SLC24A2: variants seen among roughly 807,000 people sequenced by gnomAD.
SLC24A2 encodes the protein sodium/potassium/calcium exchanger 2.
In SLC24A2, 36 loss-of-function variants were observed where a neutral mutation model predicts 62.0. The observed-to-expected ratio is 0.58, with a 90% CI of 0.44 to 0.77. The LOEUF (loss-of-function observed/expected upper bound fraction) is 0.77. Among genes scored for constraint, SLC24A2 ranks in the 30% least tolerant of loss-of-function variants. The pLI, the probability that SLC24A2 is intolerant of heterozygous loss-of-function variation, is 0.00. For synonymous variants in SLC24A2, 358 were observed against 294.0 expected (o/e 1.22, Z -2.23); for missense variants, 846 against 817.9 (o/e 1.03, Z -0.42).
At chr9:19,992,552 G>T in the SLC24A2 span, among the ~76,000 whole-genome samples, 3 of 152,208 alleles carry the variant, frequency 2.0e-5, no homozygotes, top group Admixed American at 6.5e-5. Context: ...TTCATTAACT[G>T]ATTAAAAACA....
At chr9:20,019,587 T>C in the SLC24A2 span, among the ~76,000 whole-genome samples, 2,552 of 152,204 alleles carry the variant, frequency 0.017, 61 homozygotes, top group African/African-American at 0.058. Context: ...GGATAAAAGA[T>C]TTAAATGTAA....
chr9:19,769,771 T>C (rs923133495), intron 2 of SLC24A2, among the ~76,000 whole-genome samples: 2 of 152,126 alleles, frequency 1.3e-5, no homozygotes, highest in Admixed American at 1.3e-4. Context: ...GGACACTGCA[T>C]CTGTCCACCC....
the SLC24A2 span, among the ~76,000 whole-genome samples, chr9:19,985,096 T>G: frequency 6.6e-6 from 1 of 152,082 alleles, no homozygotes; most frequent in African/African-American, 2.4e-5. Context: ...TATTGAGGAT[T>G]TAGAGCATCT....
At chr9:19,580,693 G>A (rs1214273704) in intron 5 of SLC24A2, among the ~76,000 whole-genome samples, 1 of 152,238 alleles carries the variant, frequency 6.6e-6, no homozygotes, top group East Asian at 1.9e-4. Flanking sequence ...GGATGTGATT[G>A]AGAGGTAGGT....
the SLC24A2 span, among the ~76,000 whole-genome samples, chr9:20,060,431 A>G: frequency 6.6e-6 from 1 of 152,152 alleles, no homozygotes; most frequent in Non-Finnish European, 1.5e-5. Flanking sequence ...TCAGAAACAT[A>G]TAAAAAGGAT....
chr9:19,593,289 G>A (rs1195763900), intron 5 of SLC24A2, among the ~76,000 whole-genome samples: 1 of 152,160 alleles, frequency 6.6e-6, no homozygotes, highest in Non-Finnish European at 1.5e-5. Flanking sequence ...CCTCCGCTCT[G>A]CCCCCAATCC....
At chr9:19,661,314 A>T (rs1413232623) in intron 2 of SLC24A2, among the ~76,000 whole-genome samples, 7 of 152,114 alleles carry the variant, frequency 4.6e-5, no homozygotes, top group Non-Finnish European at 1.0e-4. Flanking sequence ...TCTAATGACC[A>T]GTCCTTAACC....
At chr9:19,571,996 G>A (rs1240179350) in intron 7 of SLC24A2, among the ~76,000 whole-genome samples, 35 of 152,016 alleles carry the variant, frequency 2.3e-4, no homozygotes, top group African/African-American at 1.9e-4. Context: ...CTATCCGGGC[G>A]CAGTGGCTCA....
the SLC24A2 span, among the ~76,000 whole-genome samples, chr9:19,803,166 C>T: frequency 6.6e-6 from 1 of 152,182 alleles, no homozygotes; most frequent in Non-Finnish European, 1.5e-5. Context: ...AGACAGGACA[C>T]ATTGTGATAT....
At chr9:20,040,891 G>A in the SLC24A2 span, among the ~76,000 whole-genome samples, 98 of 152,360 alleles carry the variant, frequency 6.4e-4, 1 homozygote, top group East Asian at 0.017. Flanking sequence ...TGGCAGACAA[G>A]GGTTAGAAGC....
At chr9:19,681,364 C>T (rs181702666) in intron 2 of SLC24A2, among the ~76,000 whole-genome samples, 54 of 152,224 alleles carry the variant, frequency 3.5e-4, no homozygotes, top group African/African-American at 6.5e-4. Flanking sequence ...CTCTCTGCAC[C>T]GCAGAACTCC....
the SLC24A2 span, among the ~76,000 whole-genome samples, chr9:19,812,767 C>T: frequency 4.8e-5 from 5 of 103,256 alleles, no homozygotes; most frequent in East Asian, 1.5e-3. Flanking sequence ...TTATCTCCTT[C>T]CAGAAAGTAT....
At chr9:19,839,669 A>G in the SLC24A2 span, among the ~76,000 whole-genome samples, 1 of 152,226 alleles carries the variant, frequency 6.6e-6, no homozygotes, top group African/African-American at 2.4e-5. Context: ...GACTTTTTAC[A>G]GTTAATGAAA....
chr9:19,975,550 G>T, the SLC24A2 span, among the ~76,000 whole-genome samples: 2 of 152,140 alleles, frequency 1.3e-5, no homozygotes, highest in Admixed American at 1.3e-4. Context: ...TCTGCAAAAG[G>T]AAGACAAAAA....
chr9:20,107,376 C>T, the SLC24A2 span, among the ~76,000 whole-genome samples: 2 of 151,278 alleles, frequency 1.3e-5, no homozygotes, highest in Non-Finnish European at 2.9e-5. Context: ...AAAAAGAGCC[C>T]ACATTGCCAA....
At chr9:19,927,368 TC>T in the SLC24A2 span, 1 of 152,152 alleles carries the variant, frequency 6.6e-6, no homozygotes, top group Non-Finnish European at 1.5e-5. Flanking sequence ...CCTAGTTTCC[TC>T]CTCCAAAAAA....
intron 4 of SLC24A2, among the ~76,000 whole-genome samples, chr9:19,614,954 T>C (rs2208552): frequency 0.74 from 112,892 of 151,942 alleles, 42,031 homozygotes; most frequent in East Asian, 0.88. Context: ...TGCTCAAATT[T>C]CGAATCCACA....
At chr9:20,112,523 A>C in the SLC24A2 span, among the ~76,000 whole-genome samples, 2 of 152,108 alleles carry the variant, frequency 1.3e-5, no homozygotes, top group Non-Finnish European at 2.9e-5. Context: ...ATAATCTGAA[A>C]CTTCCCCATA....
At chr9:19,615,754 TAC>T (rs1767386743) in intron 4 of SLC24A2, among the ~76,000 whole-genome samples, 1 of 152,262 alleles carries the variant, frequency 6.6e-6, no homozygotes, top group Admixed American at 6.5e-5. Context: ...ACAGCAGGAA[TAC>T]AGTTTAATTG....
Sources: allele counts gnomAD v4.1 joint callset (sites outside exome capture counted in the v4.1 genomes callset), GRCh38; gene constraint gnomAD v4.1.1; transcripts MANE v1.5; gene names NCBI Gene and HGNC (gene_info 2026-07-23, HGNC 2026-07-21).